Variants in DMD observed in about 807,000 individuals in gnomAD.
DMD encodes the protein dystrophin.
Under a neutral mutation model 330.1 loss-of-function variants are expected in DMD, and 63 were observed. The observed-to-expected ratio is 0.19, with a 90% CI of 0.16 to 0.24. The LOEUF (loss-of-function observed/expected upper bound fraction) is 0.24, where lower values mean the gene tolerates loss of function less well. DMD is among the 10% of genes least tolerant of loss of function. DMD has a pLI of 1.00. For missense variants in DMD, 3,344 were observed against 2,684.1 expected (o/e 1.25, Z -5.43); for synonymous variants, 1,223 against 959.8 (o/e 1.27, Z -5.07).
chrX:33,124,500 A>AAAAAAAAACAAAAAAAAAAAC (rs1569555865), intron 1 of DMD, among the ~76,000 whole-genome samples: 1 of 104,394 alleles, frequency 9.6e-6, no homozygotes, highest in African/African-American at 3.7e-5. Context: ...AAAAAAAAAA[A>AAAAAAAAACAAAAAAAAAAAC]AAAAAAAAAA....
chrX:32,670,482 G>A (rs183328785), intron 9 of DMD, among the ~76,000 whole-genome samples: 4 of 111,868 alleles, frequency 3.6e-5, no homozygotes, highest in Non-Finnish European at 5.6e-5. Flanking sequence ...CCTTCAGTAA[G>A]TCTTAATCTT....
At chrX:32,823,073 A>T (rs1296935708) in intron 5 of DMD, among the ~76,000 whole-genome samples, 1 of 111,818 alleles carries the variant, frequency 8.9e-6, no homozygotes, top group Non-Finnish European at 1.9e-5. Context: ...TACTCAATGA[A>T]ATAAAATTTT....
At chrX:33,226,534 G>A (rs2052293107) in intron 1 of DMD, among the ~76,000 whole-genome samples, 1 of 111,476 alleles carries the variant, frequency 9.0e-6, no homozygotes, top group South Asian at 3.7e-4. Context: ...TACAAATAGA[G>A]ATCATATTAG....
intron 38 of DMD, 143 bp downstream of exon 38, chrX:32,348,258 CCAAGA>C: frequency 1.7e-6 from 1 of 587,124 alleles, no homozygotes; most frequent in Non-Finnish European, 2.7e-6. Flanking sequence ...TAATAAAAGG[CCAAGA>C]ATATTCTGCA....
At chrX:33,196,054 G>C (rs1457380362) in intron 1 of DMD, among the ~76,000 whole-genome samples, 2 of 111,008 alleles carry the variant, frequency 1.8e-5, no homozygotes, top group African/African-American at 6.6e-5. Flanking sequence ...TTTACAATAA[G>C]AATACATATT....
chrX:32,805,980 T>G (rs1603430495), intron 7 of DMD, among the ~76,000 whole-genome samples: 1 of 112,008 alleles, frequency 8.9e-6, no homozygotes, highest in East Asian at 2.8e-4. Flanking sequence ...TGCAGAAGCA[T>G]ACCAAATTGT....
At position 32,698,984 on chromosome X, in the gene DMD, A is replaced by G. The variant is rs749486470; in HGVS notation, c.831+128T>C. ...AGTCTGTCTCTTTTTGTACATATAC[A>G]TACATTAGGCTTTGTATATATACAC... On this transcript the variant is annotated intron_variant, in intron 8 of 78. Coordinates refer to ENST00000357033, the MANE Select transcript of DMD (RefSeq NM_004006.3). 16 of 586,579 alleles carry G rather than the reference A, an allele frequency of 2.7e-5. No homozygotes were observed. In the African/African-American group the frequency reaches 3.7e-4, roughly 13 times the overall value. The allele number at this position is 586,579 out of a possible 1,213,427, so 48.3% of individuals were successfully genotyped here. A position where few individuals can be genotyped will look rare whatever the true frequency, so the allele number is the denominator to read the frequency against.
intron 18 of DMD, among the ~76,000 whole-genome samples, chrX:32,512,586 C>T (rs1015764924): frequency 3.6e-5 from 4 of 112,142 alleles, no homozygotes; most frequent in African/African-American, 1.3e-4. Context: ...TAGAAACCAA[C>T]AATGGAATTG....
At chrX:32,528,752 C>A (rs2047160620) in intron 17 of DMD, among the ~76,000 whole-genome samples, 1 of 110,706 alleles carries the variant, frequency 9.0e-6, no homozygotes, top group Admixed American at 9.6e-5. Flanking sequence ...TCCACAATGT[C>A]TTATCTCAAC....
intron 1 of DMD, among the ~76,000 whole-genome samples, chrX:33,048,444 C>G (rs1025672055): frequency 1.0e-4 from 11 of 110,365 alleles, no homozygotes; most frequent in African/African-American, 3.0e-4. Flanking sequence ...AATCCCAGCA[C>G]TTTGGGAGGC....
chrX:32,373,963 T>G, intron 34 of DMD, among the ~76,000 whole-genome samples: 1 of 111,706 alleles, frequency 9.0e-6, no homozygotes, highest in East Asian at 2.8e-4. Context: ...GCAATCAACA[T>G]CCGTTATTTT....
chrX:32,954,424 C>A (rs1235819780), intron 2 of DMD, among the ~76,000 whole-genome samples: 1 of 111,828 alleles, frequency 8.9e-6, no homozygotes, highest in East Asian at 2.8e-4. Context: ...TCTTCTCACC[C>A]TACACATGGC....
chrX:32,587,601 TC>T (rs896813196), intron 13 of DMD, among the ~76,000 whole-genome samples: 2 of 111,259 alleles, frequency 1.8e-5, no homozygotes, highest in African/African-American at 6.5e-5. Flanking sequence ...GGGCAGTATT[TC>T]CTTTTATTTT....
At chrX:31,438,100 G>A (rs917736475) in intron 60 of DMD, among the ~76,000 whole-genome samples, 31 of 109,964 alleles carry the variant, frequency 2.8e-4, no homozygotes, top group Middle Eastern at 4.6e-3. Flanking sequence ...CATCCTCCAC[G>A]TTTCCCTTTA....
chrX:31,479,421 G>A (rs779722480), intron 57 of DMD, among the ~76,000 whole-genome samples: 13 of 111,564 alleles, frequency 1.2e-4, no homozygotes, highest in Non-Finnish European at 2.5e-4. Context: ...AAGTTTCAAG[G>A]TATATATTGC....
At chrX:33,223,333 A>C (rs935277856) in intron 1 of DMD, among the ~76,000 whole-genome samples, 1 of 111,804 alleles carries the variant, frequency 8.9e-6, no homozygotes, top group African/African-American at 3.3e-5. Flanking sequence ...AAACAAACAA[A>C]CAAAAACAAT....
intron 54 of DMD, among the ~76,000 whole-genome samples, chrX:31,634,956 G>T (rs940612518): frequency 9.0e-6 from 1 of 111,371 alleles, no homozygotes; most frequent in African/African-American, 3.3e-5. Context: ...TTTTTAAAGA[G>T]ATTGATACTC....
chrX:33,303,720 C>T (rs1307722564), intron 1 of DMD, among the ~76,000 whole-genome samples: 2 of 111,368 alleles, frequency 1.8e-5, no homozygotes, highest in East Asian at 2.9e-4. Flanking sequence ...CATTCTTCTC[C>T]TTGCTGCCGC....
chrX:31,785,257 G>A (rs1416428823), intron 50 of DMD, among the ~76,000 whole-genome samples: 1 of 111,898 alleles, frequency 8.9e-6, no homozygotes, highest in Admixed American at 9.5e-5. Context: ...GAGACAGAAA[G>A]TAGAGTGGTC....
Sources: allele counts gnomAD v4.1 joint callset (sites outside exome capture counted in the v4.1 genomes callset), GRCh38; gene constraint gnomAD v4.1.1; transcripts MANE v1.5; gene names NCBI Gene and HGNC (gene_info 2026-07-23, HGNC 2026-07-21).